Variants in SKIC3 observed in about 807,000 individuals in gnomAD.
SKIC3 encodes superkiller complex protein 3.
At chr5:95,520,839 C>T in the SKIC3 span, 1 of 1,533,248 alleles carries the variant, frequency 6.5e-7, no homozygotes, top group South Asian at 1.1e-5. Context: ...GTAAGTTTGT[C>T]ACTGTTATTA....
the SKIC3 span, among the ~76,000 whole-genome samples, chr5:95,500,323 G>A: frequency 3.3e-5 from 5 of 152,096 alleles, no homozygotes; most frequent in Admixed American, 2.6e-4. Flanking sequence ...GGTTAAACCA[G>A]GTCAAAACAG....
chr5:95,472,830 C>T, the SKIC3 span, among the ~76,000 whole-genome samples: 3 of 152,212 alleles, frequency 2.0e-5, no homozygotes, highest in Non-Finnish European at 4.4e-5. Flanking sequence ...CAATGTTTAG[C>T]TCCCACTTAC....
At chr5:95,491,924 T>C in the SKIC3 span, among the ~76,000 whole-genome samples, 29 of 152,294 alleles carry the variant, frequency 1.9e-4, no homozygotes, top group African/African-American at 6.7e-4. Context: ...TTATTAGCTT[T>C]AGTTTTCTAT....
At chr5:95,506,757 C>G in the SKIC3 span, among the ~76,000 whole-genome samples, 7 of 152,190 alleles carry the variant, frequency 4.6e-5, no homozygotes, top group East Asian at 9.6e-4. Context: ...ATAAAGCACA[C>G]TGGGGTTGGT....
At chr5:95,527,143 A>G in the SKIC3 span, among the ~76,000 whole-genome samples, 3 of 152,298 alleles carry the variant, frequency 2.0e-5, no homozygotes, top group Non-Finnish European at 2.9e-5. Context: ...GCCCTTTTGT[A>G]GTCTGAGCCC....
At chr5:95,541,494 A>G in the SKIC3 span, 1 of 1,015,042 alleles carries the variant, frequency 9.9e-7, no homozygotes, top group Non-Finnish European at 1.5e-6. Context: ...TTCAGGTACT[A>G]TTTTAAATTA....
At chr5:95,498,332 G>T in the SKIC3 span, 23 of 1,575,140 alleles carry the variant, frequency 1.5e-5, no homozygotes, top group Non-Finnish European at 1.9e-5. Context: ...ACCATATCAA[G>T]TATAATTAGG....
chr5:95,513,744 G>A, the SKIC3 span: 1 of 1,138,620 alleles, frequency 8.8e-7, no homozygotes, highest in Non-Finnish European at 1.3e-6. Context: ...TTTACTAGCT[G>A]AGCTTAAAAG....
chr5:95,465,210 G>A, the SKIC3 span, among the ~76,000 whole-genome samples: 12 of 152,120 alleles, frequency 7.9e-5, no homozygotes, highest in Admixed American at 2.0e-4. Context: ...GATTACAGGC[G>A]TGAGGCACTG....
chr5:95,534,645 C>T, the SKIC3 span, among the ~76,000 whole-genome samples: 1 of 152,172 alleles, frequency 6.6e-6, no homozygotes. Flanking sequence ...TCTTGTGTTG[C>T]TTCTCGTCAG....
the SKIC3 span, chr5:95,469,891 T>C: frequency 2.5e-6 from 4 of 1,614,004 alleles, no homozygotes; most frequent in African/African-American, 2.7e-5. Flanking sequence ...AGATGGCCAG[T>C]GATCATTGGA....
chr5:95,498,683 T>C, the SKIC3 span: 2 of 1,191,170 alleles, frequency 1.7e-6, no homozygotes, highest in African/African-American at 3.0e-5. Context: ...TGGAGTGCAG[T>C]GGCACCATCT....
At chr5:95,489,014 T>C in the SKIC3 span, among the ~76,000 whole-genome samples, 7 of 152,136 alleles carry the variant, frequency 4.6e-5, no homozygotes, top group African/African-American at 1.7e-4. Flanking sequence ...GAAACTAGTC[T>C]CACCTATCAC....
chr5:95,541,304 C>T, the SKIC3 span: 1 of 1,613,624 alleles, frequency 6.2e-7, no homozygotes, highest in Admixed American at 1.7e-5. Context: ...CATTCACCAA[C>T]CTCTAGGTGT....
At chr5:95,544,283 G>A in the SKIC3 span, among the ~76,000 whole-genome samples, 2 of 152,120 alleles carry the variant, frequency 1.3e-5, no homozygotes, top group Non-Finnish European at 2.9e-5. Context: ...CTGCTGAGAG[G>A]GCCTGCTGTA....
the SKIC3 span, chr5:95,497,426 C>G: frequency 6.2e-7 from 1 of 1,612,984 alleles, no homozygotes; most frequent in South Asian, 1.1e-5. Flanking sequence ...CTTTGCATTT[C>G]GTTGAGCATA....
chr5:95,549,881 C>T, the SKIC3 span, among the ~76,000 whole-genome samples: 1 of 151,872 alleles, frequency 6.6e-6, no homozygotes, highest in African/African-American at 2.4e-5. Context: ...AAACCTACTA[C>T]CCAAAATGAT....
chr5:95,471,655 G>A, the SKIC3 span, among the ~76,000 whole-genome samples: 1,851 of 152,224 alleles, frequency 0.012, 39 homozygotes, highest in African/African-American at 0.042. Flanking sequence ...GGCAGTAGCA[G>A]GTGGCTGGTT....
the SKIC3 span, among the ~76,000 whole-genome samples, chr5:95,471,368 T>C: frequency 6.6e-6 from 1 of 152,228 alleles, no homozygotes; most frequent in Admixed American, 6.5e-5. Flanking sequence ...ATACCTGGCA[T>C]ATTAAACAAA....
Sources: gnomAD v4.1 joint callset for allele counts (sites outside exome capture counted in the v4.1 genomes callset) on GRCh38, gnomAD v4.1.1 for gene constraint, MANE v1.5 for transcripts, NCBI Gene and HGNC (gene_info 2026-07-23, HGNC 2026-07-21) for gene names.